The following UCK2 variants were observed in gnomAD, a reference collection of about 807,000 sequenced individuals.
UCK2 encodes the protein uridine-cytidine kinase 2.
In UCK2, 6 loss-of-function variants were observed where a neutral mutation model predicts 30.8. That is an observed-to-expected ratio of 0.19 (90% CI 0.11 to 0.38). UCK2 has a LOEUF of 0.38. Ranked by LOEUF, UCK2 falls within the 10% of genes least tolerant of loss-of-function variation. UCK2 has a pLI of 1.00. For missense variants in UCK2, 210 were observed against 339.8 expected, an observed-to-expected ratio of 0.62 and a Z score of 3.00; for synonymous variants, 125 against 133.6, an observed-to-expected ratio of 0.94 and a Z score of 0.45.
chr1:165,838,152 T>C (rs1654240623), intron 1 of UCK2, among the ~76,000 whole-genome samples: 1 of 152,264 alleles, frequency 6.6e-6, no homozygotes, highest in Non-Finnish European at 1.5e-5. Flanking sequence ...CCTTTGCTTC[T>C]ACCCTGGTCC....
At chr1:165,876,723 T>C (rs1030401532) in intron 1 of UCK2, among the ~76,000 whole-genome samples, 2 of 152,220 alleles carry the variant, frequency 1.3e-5, no homozygotes, top group Non-Finnish European at 2.9e-5. Context: ...CATTCTCTTA[T>C]AGTGCTGGAG....
intron 1 of UCK2, among the ~76,000 whole-genome samples, chr1:165,845,009 T>C (rs1654414929): frequency 6.6e-6 from 1 of 152,154 alleles, no homozygotes; most frequent in Non-Finnish European, 1.5e-5. Context: ...AGCTAGCAAA[T>C]TAATCGAACC....
chr1:165,906,302 G>T (rs555284476), intron 6 of UCK2, among the ~76,000 whole-genome samples: 4 of 152,260 alleles, frequency 2.6e-5, no homozygotes, highest in East Asian at 1.9e-4. Context: ...TTCCCTCCTT[G>T]ATCTAATTTA....
chr1:165,866,145 T>TCTTA (rs1283611143), intron 1 of UCK2, among the ~76,000 whole-genome samples: 7 of 152,202 alleles, frequency 4.6e-5, no homozygotes, highest in African/African-American at 1.7e-4. Flanking sequence ...TAGGCTGTGC[T>TCTTA]CTTAGCATAT....
At chr1:165,837,302 C>T (rs1221833197) in intron 1 of UCK2, among the ~76,000 whole-genome samples, 1 of 152,190 alleles carries the variant, frequency 6.6e-6, no homozygotes, top group Non-Finnish European at 1.5e-5. Flanking sequence ...TTTGACAGTT[C>T]TGTAACTAGC....
At chr1:165,889,772 C>A (rs1488936705) in intron 1 of UCK2, among the ~76,000 whole-genome samples, 1 of 146,258 alleles carries the variant, frequency 6.8e-6, no homozygotes, top group Non-Finnish European at 1.5e-5. Context: ...GTTTGTTATA[C>A]AGATTATTTC....
chr1:165,887,497 C>T (rs942444126), intron 1 of UCK2, among the ~76,000 whole-genome samples: 7 of 152,246 alleles, frequency 4.6e-5, no homozygotes, highest in Non-Finnish European at 1.0e-4. Context: ...TTGCTATTTA[C>T]ATTAAAAACA....
intron 1 of UCK2, among the ~76,000 whole-genome samples, chr1:165,884,423 T>G (rs1655571578): frequency 6.6e-6 from 1 of 152,232 alleles, no homozygotes; most frequent in East Asian, 1.9e-4. Context: ...AGCATGGTTA[T>G]CTGGTCTTCT....
chr1:165,898,681 A>G (rs941719190), intron 4 of UCK2, among the ~76,000 whole-genome samples: 1 of 152,228 alleles, frequency 6.6e-6, no homozygotes, highest in African/African-American at 2.4e-5. Context: ...AATAAAGTGC[A>G]TCCTAGTGTC....
At chr1:165,891,049 T>G in intron 2 of UCK2, 177 bp from the exon 3 acceptor site, 1 of 588,326 alleles carries the variant, frequency 1.7e-6, no homozygotes, top group Non-Finnish European at 3.1e-6. Flanking sequence ...CACCCTATTT[T>G]GAGATACAGG....
chr1:165,846,670 G>T (rs1304832299), intron 1 of UCK2, among the ~76,000 whole-genome samples: 2 of 152,192 alleles, frequency 1.3e-5, no homozygotes, highest in East Asian at 3.8e-4. Flanking sequence ...TTTCATGTCA[G>T]ATCCCAGGAT....
intron 1 of UCK2, among the ~76,000 whole-genome samples, chr1:165,859,991 TTACTC>T: frequency 6.6e-6 from 1 of 152,296 alleles, no homozygotes; most frequent in African/African-American, 2.4e-5. Flanking sequence ...GGACCAGTCT[TTACTC>T]TTCTTTGGGT....
At chr1:165,837,152 T>G (rs536791065) in intron 1 of UCK2, among the ~76,000 whole-genome samples, 1 of 152,320 alleles carries the variant, frequency 6.6e-6, no homozygotes, top group Admixed American at 6.5e-5. Flanking sequence ...CACTGCCACA[T>G]TGGGCATCAA....
intron 4 of UCK2, among the ~76,000 whole-genome samples, chr1:165,898,960 T>C (rs1383245110): frequency 6.6e-6 from 1 of 152,238 alleles, no homozygotes; most frequent in Non-Finnish European, 1.5e-5. Flanking sequence ...ATGCTATTTC[T>C]ACAAATTCAT....
At chr1:165,866,442 G>C (rs887620525) in intron 1 of UCK2, among the ~76,000 whole-genome samples, 6 of 152,124 alleles carry the variant, frequency 3.9e-5, no homozygotes, top group African/African-American at 1.4e-4. Context: ...TTCACAGATT[G>C]ATAACATAAG....
At chr1:165,887,940 A>T (rs368809311) in intron 1 of UCK2, among the ~76,000 whole-genome samples, 110 of 152,328 alleles carry the variant, frequency 7.2e-4, no homozygotes, top group African/African-American at 2.6e-3. Flanking sequence ...TTCTGTGTTA[A>T]TATGCAAAAG....
At chr1:165,869,761 A>T (rs7546122) in intron 1 of UCK2, among the ~76,000 whole-genome samples, 30 of 145,998 alleles carry the variant, frequency 2.1e-4, no homozygotes, top group African/African-American at 7.6e-4. Context: ...GGCTCAAGCG[A>T]TCCTCTGCTT....
intron 1 of UCK2, among the ~76,000 whole-genome samples, chr1:165,877,641 C>T (rs186739734): frequency 4.6e-5 from 7 of 152,190 alleles, no homozygotes; most frequent in Non-Finnish European, 7.4e-5. Flanking sequence ...ATGGATATAC[C>T]GTAGTTTAAC....
At position 165,827,733 on chromosome 1, in the gene UCK2, G is replaced by C. The variant is rs1022452174; in HGVS notation, c.-101G>C. 3 of 1,092,356 alleles carry C rather than the reference G, an allele frequency of 2.7e-6. No homozygotes were observed. The African/African-American group carries it at 4.9e-5, about 18-fold the overall frequency. 67.7% of individuals were successfully genotyped at this position (1,092,356 alleles called of 1,614,324 possible). ...CGACAGCGGCCTCAGCCCCGGCAGCGCCCAGCGGCGGCTGCGGAAAGCGGA... is the reference window on the plus strand; with the variant it reads ...CGACAGCGGCCTCAGCCCCGGCAGCCCCCAGCGGCGGCTGCGGAAAGCGGA... On this transcript the variant is annotated 5_prime_UTR_variant, in exon 1 of 7. Coordinates refer to ENST00000367879, the MANE Select transcript of UCK2 (RefSeq NM_012474.5).
Sources: allele counts gnomAD v4.1 joint callset (sites outside exome capture counted in the v4.1 genomes callset), GRCh38; gene constraint gnomAD v4.1.1; transcripts MANE v1.5; gene names NCBI Gene and HGNC (gene_info 2026-07-23, HGNC 2026-07-21).